GLIS2: variants seen among roughly 807,000 people sequenced by gnomAD.
The protein encoded by GLIS2 is zinc finger protein GLIS2.
Under a neutral mutation model 35.6 loss-of-function variants are expected in GLIS2, and 14 were observed. The ratio of observed to expected loss-of-function variants is 0.39; its 90% confidence interval spans 0.26 to 0.61. GLIS2 has a LOEUF of 0.61. GLIS2 is among the 20% of genes least tolerant of loss of function. GLIS2 has a pLI of 0.48. For missense variants in GLIS2, 675 were observed against 713.4 expected (o/e 0.95, Z 0.61); for synonymous variants, 368 against 325.1 (o/e 1.13, Z -1.42).
At position 4,338,758 on chromosome 16, in the gene GLIS2, C is replaced by G. The variant is rs2053589671; in HGVS notation, c.*1234C>G. ...AGGTTCTGTGCCACTCAGAGGGACC[C>G]TGGCAGGGGCCAGAACCACTTAAGG... On this transcript the variant is annotated 3_prime_UTR_variant, in exon 7 of 7. Coordinates refer to ENST00000433375, the MANE Select transcript of GLIS2 (RefSeq NM_032575.3). 1 of 152,456 alleles carries G rather than the reference C, an allele frequency of 6.6e-6. No homozygotes were observed. Among genetic ancestry groups the G allele is most frequent in the Non-Finnish European group, 1.5e-5 (1 of 68,210 alleles). 9.4% of individuals were successfully genotyped at this position (152,456 alleles called of 1,614,324 possible).
rs527861451 is a variant in GLIS2, at chr16:4,336,750, C to T, written c.801C>T (p.Tyr267=). ...HTGEKPYVCP[Y]EGCNKRYSNS... Reference sequence around the variant, plus strand: ...GTGAGAAGCCCTACGTCTGCCCCTACGAGGGCTGCAACAAGCGCTATTCCA... The same window carrying T: ...GTGAGAAGCCCTACGTCTGCCCCTATGAGGGCTGCAACAAGCGCTATTCCA... The change falls in exon 7 of 7, where the codon TAC becomes TAT. Residue 267 remains tyrosine (Y), a synonymous_variant. Coordinates refer to ENST00000433375, the MANE Select transcript of GLIS2 (RefSeq NM_032575.3). The T allele has an allele frequency of 4.3e-5, 69 of 1,607,928 alleles. No homozygotes were observed. Among genetic ancestry groups the T allele is most frequent in the Non-Finnish European group, 5.5e-5 (65 of 1,177,718 alleles).
At chr16:4,319,419 AG>A (rs756247121) in intron 1 of GLIS2, among the ~76,000 whole-genome samples, 15 of 152,228 alleles carry the variant, frequency 9.9e-5, no homozygotes, top group Admixed American at 3.3e-4. Context: ...CCTCTGCCTA[AG>A]TTGCCTCCCT....
upstream of GLIS2, among the ~76,000 whole-genome samples, chr16:4,315,610 C>A (rs919370993): frequency 4.6e-5 from 7 of 151,606 alleles, no homozygotes; most frequent in South Asian, 2.1e-4. Context: ...CCCCCGCCCC[C>A]CCAGGCCACC....
At position 4,321,238 on chromosome 16, in the gene GLIS2, CT is replaced by C. The variant is rs1401572467; in HGVS notation, c.-67+4985del. On this transcript the variant is annotated intron_variant, in intron 1 of 6. Transcript: ENST00000433375. ...CCATCCCAGCTGGCCAGGGTGGTTC[CT>C]AGGGGCCACCACACCCTTGTCCAGC... Among the ~76,000 whole-genome samples, 209 of 152,188 alleles carry C rather than the reference CT, an allele frequency of 1.4e-3. 1 individual carries two copies. The highest frequency in any genetic ancestry group is 4.6e-3 in the African/African-American group (191 of 41,522).
chr16:4,318,422 G>T (rs1362818733), intron 1 of GLIS2, among the ~76,000 whole-genome samples: 1 of 152,206 alleles, frequency 6.6e-6, no homozygotes, highest in Non-Finnish European at 1.5e-5. Context: ...TCCGAGGGTG[G>T]AGCCCGGATG....
At chr16:4,326,200 G>A (rs1314122702) in intron 1 of GLIS2, among the ~76,000 whole-genome samples, 2 of 151,368 alleles carry the variant, frequency 1.3e-5, no homozygotes, top group African/African-American at 2.4e-5. Context: ...AGCTGAGATC[G>A]TGCCACTGCA....
In GLIS2 at chr16:4,337,697, G is replaced by A. The variant is rs139029261; in HGVS notation, c.*173G>A. 3,702 of 927,522 alleles carry A rather than the reference G, an allele frequency of 4.0e-3. 121 individuals carry two copies. In the African/African-American group the frequency reaches 0.054, roughly 14 times the overall value. 57.5% of individuals were successfully genotyped at this position (927,522 alleles called of 1,614,324 possible). On this transcript the variant is annotated 3_prime_UTR_variant, in exon 7 of 7. Transcript: ENST00000433375. The stretch of plus-strand genomic sequence containing the variant: ...ATTCATGGCTGGCCTCCCAGCCCCC[G>A]GGTGGGGACCTGGCCTGTCATGCAG...
Position 4,337,442 on chromosome 16 carries a change from C to T in GLIS2, c.1493C>T (p.Ala498Val), listed in dbSNP as rs1356192130. Reference protein sequence around the residue: ...LDLSTGVNSAASSPEALAPGW... With the variant: ...LDLSTGVNSAVSSPEALAPGW... The stretch of plus-strand genomic sequence containing the variant: ...CTGTCCACGGGCGTCAACTCAGCTG[C>T]CAGCAGCCCAGAGGCGTTGGCCCCT... The change falls in exon 7 of 7, where the codon GCC becomes GTC. Residue 498 changes from alanine to valine, a missense_variant. Coordinates refer to ENST00000433375, the MANE Select transcript of GLIS2 (RefSeq NM_032575.3). The T allele has an allele frequency of 6.3e-7, 1 of 1,580,874 alleles. No individual in the cohort carries two copies. Among genetic ancestry groups the T allele is most frequent in the South Asian group, 1.1e-5 (1 of 87,070 alleles).
intron 1 of GLIS2, among the ~76,000 whole-genome samples, chr16:4,327,962 G>C (rs1187403743): frequency 1.3e-5 from 2 of 152,046 alleles, no homozygotes; most frequent in African/African-American, 4.8e-5. Flanking sequence ...CGCATCCCAG[G>C]CTGAGTGCTC....
Position 4,335,386 on chromosome 16 carries a change from G to C in GLIS2, c.768G>C (p.Ser256=). ...AGAACCTGAAGATCCACAACCGGTC[G>C]CACACAGGTAAGAGGCCGGGGCCGG... ...RLENLKIHNR[S]HTGEKPYVCP... Residue 256 remains serine (S), a synonymous_variant, in exon 6 of 7, where the codon TCG becomes TCC. Coordinates refer to ENST00000433375, the MANE Select transcript of GLIS2 (RefSeq NM_032575.3). This position sits in a 1 kb window ranked among gnomAD's most constrained non-coding sequence, Gnocchi z 4.6. 1.2e-6 allele frequency: 2 copies of C among 1,613,524 alleles called. No individual in the cohort carries two copies. The highest frequency in any genetic ancestry group is 1.7e-6 in the Non-Finnish European group (2 of 1,179,976).
At chr16:4,316,439 C>G (rs1375767463) in intron 1 of GLIS2, among the ~76,000 whole-genome samples, 185 bp downstream of exon 1, 1 of 151,562 alleles carries the variant, frequency 6.6e-6, no homozygotes, top group Non-Finnish European at 1.5e-5. Flanking sequence ...CGCGCTCCCT[C>G]CCTCGCCGGC....
Position 4,332,588 on chromosome 16 carries a change from C to A in GLIS2, c.172+136C>A. On this transcript the variant is annotated intron_variant, in intron 2 of 6. Transcript: ENST00000433375. The surrounding 1 kb of genome is among the most constrained non-coding windows in gnomAD (Gnocchi z 5.4). ...GTTCATGGGAAGCCCGCACGCTTGT[C>A]CTTCCATCCGCCCAGCATCGTATGT... The A allele has an allele frequency of 9.8e-7, 1 of 1,016,672 alleles. No individual in the cohort carries two copies. The highest frequency in any genetic ancestry group is 1.5e-6 in the Non-Finnish European group (1 of 686,874). The allele number at this position is 1,016,672 out of a possible 1,614,324, so 63.0% of individuals were successfully genotyped here. A position where few individuals can be genotyped will look rare whatever the true frequency, so the allele number is the denominator to read the frequency against.
In GLIS2 at chr16:4,337,405, AC is replaced by A; in HGVS notation, c.1458del (p.Val487CysfsTer37). On this transcript the variant is annotated frameshift_variant, in exon 7 of 7. Transcript: ENST00000433375. LOFTEE classifies it high-confidence loss of function. ...CGATGGACTCCCCCTGCTGCCAGGC[AC>A]CGTGCTGGACCTGTCCACGGGCGTC... is the stretch of plus-strand genomic sequence containing the variant. Reference protein sequence around the residue: ...SPDGLPLLPGTVLDLSTGVNS... With the variant: ...SPDGLPLLPGXVLDLSTGVNS... 1 of 1,589,032 alleles carries A rather than the reference AC, an allele frequency of 6.3e-7. No individual in the cohort carries two copies. The highest frequency in any genetic ancestry group is 8.6e-7 in the Non-Finnish European group (1 of 1,169,326).
rs199849300 is a variant in GLIS2, at chr16:4,337,222, G to A, written c.1273G>A (p.Gly425Arg). The change falls in exon 7 of 7, where the codon GGA becomes AGA. Residue 425 changes from glycine (G) to arginine (R), a missense_variant. Gly to Arg is a moderately radical substitution (Grantham distance 125, BLOSUM62 -2). Around this residue, in one of 3 missense-constraint regions of GLIS2, gnomAD observed 317 missense variants for 283.2 expected, o/e 1.12. Transcript: ENST00000433375. ...GCTGCCCTCGCCCTTTGGGGCTGGC[G>A]GACTGGGCTTGCCTGTGGTCTCCCT... ...PLLPSPFGAG[G>R]LGLPVVSLLA... 255 of 1,547,650 alleles carry A rather than the reference G, an allele frequency of 1.6e-4. No individual in the cohort carries two copies. Among genetic ancestry groups the A allele is most frequent in the East Asian group, 3.7e-4 (15 of 40,934 alleles).
At position 4,336,523 on chromosome 16, in the gene GLIS2, G is replaced by A. The variant is rs62037613; in HGVS notation, c.776-202G>A. 81,776 of 663,900 alleles carry A rather than the reference G, an allele frequency of 0.12. 6,134 individuals are homozygous for A. The highest frequency in any genetic ancestry group is 0.16 in the Non-Finnish European group (58,596 of 366,784). The allele number at this position is 663,900 out of a possible 1,614,324, so 41.1% of individuals were successfully genotyped here. On this transcript the variant is annotated intron_variant, in intron 6 of 6. Coordinates refer to ENST00000433375, the MANE Select transcript of GLIS2 (RefSeq NM_032575.3). ...CAGGGCGAGGCTAGGCAGAGCTGGAGTCAACCAGGCTGAGTTTTCAGCCTC... is the reference window on the plus strand; with the variant it reads ...CAGGGCGAGGCTAGGCAGAGCTGGAATCAACCAGGCTGAGTTTTCAGCCTC...
chr16:4,316,027 T>G (rs1385071855), upstream of GLIS2, among the ~76,000 whole-genome samples: 1 of 14,374 alleles, frequency 7.0e-5, no homozygotes, highest in East Asian at 4.1e-3. Context: ...CCGCCCGCCC[T>G]CCCTCTAAGA....
In GLIS2 at chr16:4,333,295, G is replaced by C. The variant is rs2053516470; in HGVS notation, c.173-52G>C. 4 of 1,603,848 alleles carry C rather than the reference G, an allele frequency of 2.5e-6. No homozygotes were observed. In the African/African-American group the frequency reaches 5.3e-5, roughly 21 times the overall value. ...GGGGGTTCGGAGGCAGGAGTACCTGGCCCACTGGGACTCTACACTCCAGCA... is the reference window on the plus strand; with the variant it reads ...GGGGGTTCGGAGGCAGGAGTACCTGCCCCACTGGGACTCTACACTCCAGCA... On this transcript the variant is annotated intron_variant, in intron 2 of 6. Coordinates refer to ENST00000433375, the MANE Select transcript of GLIS2 (RefSeq NM_032575.3).
Position 4,336,844 on chromosome 16 carries a change from G to T in GLIS2, c.895G>T (p.Gly299Cys), listed in dbSNP as rs192213553. 10 of 1,612,714 alleles carry T rather than the reference G, an allele frequency of 6.2e-6. No individual in the cohort carries two copies. The highest frequency in any genetic ancestry group is 8.5e-6 in the Non-Finnish European group (10 of 1,179,642). The change falls in exon 7 of 7, where the codon GGC becomes TGC. Residue 299 changes from glycine (G) to cysteine (C), a missense_variant. Transcript: ENST00000433375. ...VDKPYYCKMP[G>C]CHKRYTDPSS... is the part of the protein sequence containing the mutation. The stretch of plus-strand genomic sequence containing the variant: ...CAAGCCCTACTACTGCAAGATGCCC[G>T]GCTGCCACAAGCGCTACACGGACCC...
At chr16:4,323,794 C>T (rs981740723) in intron 1 of GLIS2, among the ~76,000 whole-genome samples, 6 of 152,198 alleles carry the variant, frequency 3.9e-5, no homozygotes, top group African/African-American at 1.4e-4. Flanking sequence ...AACAAGAATC[C>T]TTTAGGTTAC....
Sources: allele counts gnomAD v4.1 joint callset (sites outside exome capture counted in the v4.1 genomes callset), GRCh38; gene constraint gnomAD v4.1.1; regional missense constraint gnomAD v4.1.1; non-coding constraint Gnocchi (gnomAD v3.1); transcripts MANE v1.5; gene names NCBI Gene and HGNC (gene_info 2026-07-23, HGNC 2026-07-21).